ASCC3: variants seen among roughly 807,000 people sequenced by gnomAD.
The protein encoded by ASCC3 is activating signal cointegrator 1 complex subunit 3.
In ASCC3, 158 loss-of-function variants were observed where a neutral mutation model predicts 256.3. The observed-to-expected ratio is 0.62, with a 90% CI of 0.54 to 0.70. ASCC3 has a LOEUF of 0.70. Ranked by LOEUF, ASCC3 falls within the 30% of genes least tolerant of loss-of-function variation. The probability of loss-of-function intolerance (pLI) is 0.00; values close to 1 mark genes in which losing one functional copy is unlikely to be tolerated. For missense variants in ASCC3, 2,259 were observed against 2,626.0 expected (o/e 0.86, Z 3.05); for synonymous variants, 948 against 883.4 (o/e 1.07, Z -1.30).
chr6:100,825,810 C>CT (rs977921387), intron 4 of ASCC3, among the ~76,000 whole-genome samples: 93 of 152,004 alleles, frequency 6.1e-4, no homozygotes, highest in African/African-American at 2.2e-3. Context: ...CCTTTTTATT[C>CT]TTTTTTCTCT....
At chr6:100,840,181 T>C (rs1272619030) in intron 4 of ASCC3, among the ~76,000 whole-genome samples, 1 of 152,184 alleles carries the variant, frequency 6.6e-6, no homozygotes, top group African/African-American at 2.4e-5. Context: ...TTCAGATATA[T>C]ACCCACAAAT....
intron 8 of ASCC3, among the ~76,000 whole-genome samples, chr6:100,769,687 TA>T (rs1781831425): frequency 6.6e-6 from 1 of 151,744 alleles, no homozygotes; most frequent in Admixed American, 6.6e-5. Context: ...TAAAATTGAT[TA>T]ACCTCTGGGC....
In ASCC3 at chr6:100,864,287, T is replaced by G. The variant is rs556282503; in HGVS notation, c.91-73A>C. 1.1e-5 allele frequency: 15 copies of G among 1,337,660 alleles called. No homozygotes were observed. In the East Asian group the frequency reaches 3.5e-4, roughly 31 times the overall value. The allele number at this position is 1,337,660 out of a possible 1,614,324, so 82.9% of individuals were successfully genotyped here. A position where few individuals can be genotyped will look rare whatever the true frequency, so the allele number is the denominator to read the frequency against. On this transcript the variant is annotated intron_variant, in intron 2 of 41. Transcript: ENST00000369162. ...CAACTCCAACGCTGATTACATATATTTTGCATTACATTATACAACTTGGTA... is the reference window on the plus strand; with the variant it reads ...CAACTCCAACGCTGATTACATATATGTTGCATTACATTATACAACTTGGTA...
intron 4 of ASCC3, among the ~76,000 whole-genome samples, chr6:100,825,269 T>G (rs1369359358): frequency 7.2e-6 from 1 of 139,294 alleles, no homozygotes; most frequent in Non-Finnish European, 1.6e-5. Context: ...GAGATTCTTT[T>G]GTGATTTTTT....
intron 30 of ASCC3, among the ~76,000 whole-genome samples, chr6:100,608,091 T>C (rs200430781): frequency 1.1e-5 from 1 of 91,408 alleles, no homozygotes; most frequent in African/African-American, 4.7e-5. Flanking sequence ...TATATATATC[T>C]ATATACACAT....
At chr6:100,627,548 T>C (rs1416725628) in intron 29 of ASCC3, 42 bp downstream of exon 29, 34 of 1,610,706 alleles carry the variant, frequency 2.1e-5, no homozygotes, top group Non-Finnish European at 2.5e-5. Context: ...ATAGCTACCA[T>C]AAACAATGGT....
chr6:100,774,096 T>A (rs1357445805), intron 8 of ASCC3, among the ~76,000 whole-genome samples: 1 of 152,202 alleles, frequency 6.6e-6, no homozygotes, highest in African/African-American at 2.4e-5. Context: ...ATACAAATAT[T>A]TGTTTTCATA....
At chr6:100,715,048 AATT>A (rs937120230) in intron 13 of ASCC3, 1 of 153,992 alleles carries the variant, frequency 6.5e-6, no homozygotes, top group African/African-American at 2.4e-5. Flanking sequence ...TTATATAAGC[AATT>A]ATTATCACTT....
At chr6:100,877,164 C>G (rs963429621) in intron 1 of ASCC3, among the ~76,000 whole-genome samples, 11 of 152,064 alleles carry the variant, frequency 7.2e-5, no homozygotes, top group Non-Finnish European at 1.3e-4. Flanking sequence ...ATCTCCAAAA[C>G]AGCCAAACTA....
chr6:100,571,144 A>T (rs147798789), intron 36 of ASCC3, among the ~76,000 whole-genome samples: 1 of 151,916 alleles, frequency 6.6e-6, no homozygotes, highest in Non-Finnish European at 1.5e-5. Context: ...AGGCCCTCTC[A>T]GTGTACACTC....
chr6:100,520,370 G>A (rs1303509412), intron 37 of ASCC3, among the ~76,000 whole-genome samples: 2 of 151,376 alleles, frequency 1.3e-5, no homozygotes, highest in Admixed American at 6.6e-5. Flanking sequence ...AGAGCAATAC[G>A]TAACTACTCA....
At chr6:100,679,543 G>T in intron 14 of ASCC3, 75 bp downstream of exon 14, 1 of 1,594,298 alleles carries the variant, frequency 6.3e-7, no homozygotes, top group South Asian at 1.1e-5. Flanking sequence ...TTGAGACCGT[G>T]GATCTTTCAC....
chr6:100,866,571 G>A (rs1046002706), intron 2 of ASCC3, among the ~76,000 whole-genome samples: 11 of 152,088 alleles, frequency 7.2e-5, no homozygotes, highest in East Asian at 1.9e-4. Context: ...TTTGAAAATC[G>A]GGCCTTAAAG....
At chr6:100,607,157 T>C in intron 30 of ASCC3, 69 bp from the exon 31 acceptor site, 2 of 1,493,808 alleles carry the variant, frequency 1.3e-6, no homozygotes, top group Non-Finnish European at 1.9e-6. Flanking sequence ...TTTTCATGTT[T>C]CAAAAAACAT....
At chr6:100,554,666 A>C (rs144269642) in intron 36 of ASCC3, among the ~76,000 whole-genome samples, 1 of 152,266 alleles carries the variant, frequency 6.6e-6, no homozygotes, top group African/African-American at 2.4e-5. Flanking sequence ...TTGGCCACTG[A>C]AGCTTTAGAA....
intron 4 of ASCC3, among the ~76,000 whole-genome samples, chr6:100,820,317 G>A (rs1489245062): frequency 6.6e-6 from 1 of 152,052 alleles, no homozygotes; most frequent in Non-Finnish European, 1.5e-5. Flanking sequence ...AGAATAGAGA[G>A]TCCAGAAATA....
intron 6 of ASCC3, 82 bp downstream of exon 6, chr6:100,800,218 T>C: frequency 1.4e-6 from 2 of 1,467,348 alleles, no homozygotes; most frequent in Non-Finnish European, 1.9e-6. Flanking sequence ...TCTATACTGC[T>C]AAGACTAAAC....
At position 100,614,727 on chromosome 6, in the gene ASCC3, C is replaced by T. The variant is rs114023659; in HGVS notation, c.4786-7639G>A. Among the ~76,000 whole-genome samples the T allele has an allele frequency of 2.8e-3, 419 of 152,088 alleles. 1 individual carries two copies. The highest frequency in any genetic ancestry group is 9.7e-3 in the African/African-American group (402 of 41,508). ...ATTATTAATCAGGCTTAAGGGTGAG[C>T]CCCAGTGTTTTAGACTACATGCAGA... On this transcript the variant is annotated intron_variant, in intron 30 of 41. Transcript: ENST00000369162.
At chr6:100,625,070 T>C (rs1774157562) in intron 30 of ASCC3, 122 bp downstream of exon 30, 2 of 1,077,952 alleles carry the variant, frequency 1.9e-6, no homozygotes, top group Admixed American at 2.0e-5. Flanking sequence ...ATTAATAGTG[T>C]GGTAAGGTGG....
Sources: allele counts gnomAD v4.1 joint callset (sites outside exome capture counted in the v4.1 genomes callset), GRCh38; gene constraint gnomAD v4.1.1; transcripts MANE v1.5; gene names NCBI Gene and HGNC (gene_info 2026-07-23, HGNC 2026-07-21).